ASTN1: variants seen among roughly 807,000 people sequenced by gnomAD.
The protein encoded by ASTN1 is astrotactin 1.
ASTN1 carries 41 observed loss-of-function variants against 140.7 expected under a neutral mutation model. The observed-to-expected ratio is 0.29, with a 90% CI of 0.23 to 0.38. The LOEUF is 0.38. ASTN1 is among the 10% of genes least tolerant of loss of function. The pLI is 1.00. For synonymous variants in ASTN1, 640 were observed against 652.2 expected, an observed-to-expected ratio of 0.98 and a Z score of 0.29; for missense variants, 1,479 against 1,678.8, an observed-to-expected ratio of 0.88 and a Z score of 2.08.
At position 176,863,131 on chromosome 1, in the gene ASTN1, T is replaced by G. The variant is rs1420508075; in HGVS notation, c.*1153A>C. 2 of 985,764 alleles carry G rather than the reference T, an allele frequency of 2.0e-6. No individual in the cohort carries two copies. Among genetic ancestry groups the G allele is most frequent in the Non-Finnish European group, 2.4e-6 (2 of 829,936 alleles). 61.1% of individuals were successfully genotyped at this position (985,764 alleles called of 1,614,324 possible). Reference sequence around the variant, plus strand: ...GATGTTAACTGCAATCAGTGGTGCTTCCCTACACAGAATCCCTGTGACTGG... The same window carrying G: ...GATGTTAACTGCAATCAGTGGTGCTGCCCTACACAGAATCCCTGTGACTGG... On this transcript the variant is annotated 3_prime_UTR_variant, in exon 23 of 23. Transcript: ENST00000361833.
rs1465380177 is a variant in ASTN1 at position 177,164,443 on chromosome 1, C to T, written c.234G>A (p.Met78Ile). Reference sequence around the variant, plus strand: ...TGTTCTCCAGGTCGTCCACCACGACCATTTCTCCCGGGAAGTCGTTGCGCA... The same window carrying T: ...TGTTCTCCAGGTCGTCCACCACGACTATTTCTCCCGGGAAGTCGTTGCGCA... Reference protein sequence around the residue: ...FSVRNDFPGEMVVVDDLENTE... With the variant: ...FSVRNDFPGEIVVVDDLENTE... The change falls in exon 1 of 23, where the codon ATG (methionine) becomes ATA (isoleucine). Residue 78 changes from methionine to isoleucine, a missense_variant. Met to Ile is a conservative substitution (Grantham distance 10). Around this residue, in one of 3 missense-constraint regions of ASTN1, gnomAD observed 729 missense variants for 860.4 expected, o/e 0.85. Coordinates refer to ENST00000361833, the MANE Select transcript of ASTN1 (RefSeq NM_004319.3). 1.2e-6 allele frequency: 2 copies of T among 1,613,536 alleles called. No individual in the cohort carries two copies. The highest frequency in any genetic ancestry group is 2.2e-5 in the East Asian group (1 of 44,818).
In ASTN1 at chr1:176,863,859, TAAC is replaced by T. The variant is rs1668044213; in HGVS notation, c.*422_*424del. 1.0e-5 allele frequency: 10 copies of T among 1,001,546 alleles called. No homozygotes were observed. The highest frequency in any genetic ancestry group is 1.7e-5 in the African/African-American group (1 of 57,522). 62.0% of individuals were successfully genotyped at this position (1,001,546 alleles called of 1,614,324 possible). A position where few individuals can be genotyped will look rare whatever the true frequency, so the allele number is the denominator to read the frequency against. On this transcript the variant is annotated 3_prime_UTR_variant, in exon 23 of 23. Transcript: ENST00000361833. ...TTGAGGGTGGGGCCTGCGGCAGGCC[TAAC>T]AACTTTCTGGCCTCACCTCTGCTCC...
chr1:176,922,187 T>C (rs1220986413), intron 16 of ASTN1, among the ~76,000 whole-genome samples: 1 of 152,134 alleles, frequency 6.6e-6, no homozygotes, highest in Admixed American at 6.5e-5. Context: ...AAACTACTAA[T>C]GTTATCTCTC....
intron 2 of ASTN1, among the ~76,000 whole-genome samples, chr1:177,035,761 G>T (rs1457308530): frequency 6.6e-6 from 1 of 152,182 alleles, no homozygotes; most frequent in South Asian, 2.1e-4. Context: ...GAACTAGACA[G>T]TGCAGAACTG....
intron 2 of ASTN1, 80 bp from the exon 3 acceptor site, chr1:177,032,929 A>G (rs1571683401): frequency 7.1e-7 from 1 of 1,406,492 alleles, no homozygotes; most frequent in South Asian, 1.4e-5. Flanking sequence ...TTCTGCTACC[A>G]CCATTCATCA....
At position 177,149,597 on chromosome 1, in the gene ASTN1, C is replaced by G. The variant is rs181776255; in HGVS notation, c.283+14797G>C. On this transcript the variant is annotated intron_variant, in intron 1 of 22. Coordinates refer to ENST00000361833, the MANE Select transcript of ASTN1 (RefSeq NM_004319.3). ...TATATATATAGTAAATATATATACA[C>G]TGTATATATATAGTAAATATATATA... Among the ~76,000 whole-genome samples, 326 of 61,494 alleles carry G rather than the reference C, an allele frequency of 5.3e-3. 42 individuals are homozygous for G. The highest frequency in any genetic ancestry group is 0.048 in the African/African-American group (227 of 4,750). 40.3% of individuals were successfully genotyped at this position (61,494 alleles called of 152,430 possible). A position where few individuals can be genotyped will look rare whatever the true frequency, so the allele number is the denominator to read the frequency against.
chr1:177,120,219 C>T (rs1045134787), intron 1 of ASTN1, among the ~76,000 whole-genome samples: 27 of 152,194 alleles, frequency 1.8e-4, no homozygotes, highest in African/African-American at 1.4e-4. Flanking sequence ...AGTATTCAAA[C>T]GCTGAGCTGC....
intron 20 of ASTN1, 83 bp from the exon 21 acceptor site, chr1:176,876,720 T>C (rs1668581858): frequency 2.2e-6 from 3 of 1,345,924 alleles, no homozygotes; most frequent in Non-Finnish European, 2.1e-6. Context: ...ATGGCCCAGC[T>C]CTGCCTGAAT....
intron 5 of ASTN1, among the ~76,000 whole-genome samples, chr1:177,026,473 C>A (rs994839002): frequency 6.6e-6 from 1 of 152,182 alleles, no homozygotes; most frequent in East Asian, 1.9e-4. Context: ...GCCACACCCC[C>A]ACCCTGCCCT....
chr1:177,029,311 CTTTG>C (rs993228882), intron 5 of ASTN1: 13 of 538,408 alleles, frequency 2.4e-5, no homozygotes, highest in African/African-American at 1.3e-4. Context: ...ACTTTATTAA[CTTTG>C]TTTGTCTGAA....
rs1676440865 is a variant in ASTN1, at chr1:177,031,450, G to A, written c.866-498C>T. Among the ~76,000 whole-genome samples, 4 of 152,168 alleles carry A rather than the reference G, an allele frequency of 2.6e-5. No homozygotes were observed. The South Asian group carries it at 8.3e-4, about 32-fold the overall frequency. ...GGCATTTGAGTTGATAATAACCCCT[G>A]AGTACCATATGTCTACTTTGTGGGC... On this transcript the variant is annotated intron_variant, in intron 3 of 22. Coordinates refer to ENST00000361833, the MANE Select transcript of ASTN1 (RefSeq NM_004319.3).
Position 176,861,293 on chromosome 1 carries a change from T to A in ASTN1, c.*2991A>T. On this transcript the variant is annotated 3_prime_UTR_variant, in exon 23 of 23. Transcript: ENST00000361833. ...AAAATAATGAACGGACCAAACTCCA[T>A]GGAAAACGATTGCACACTCAATTAA... The A allele has an allele frequency of 1.0e-6, 1 of 985,794 alleles. No individual in the cohort carries two copies. Among genetic ancestry groups the A allele is most frequent in the Non-Finnish European group, 1.2e-6 (1 of 829,864 alleles). The allele number at this position is 985,794 out of a possible 1,614,324, so 61.1% of individuals were successfully genotyped here.
rs564932509 is a variant in ASTN1 at position 176,921,995 on chromosome 1, C to T, written c.2671+12157G>A. On this transcript the variant is annotated intron_variant, in intron 16 of 22. Coordinates refer to ENST00000361833, the MANE Select transcript of ASTN1 (RefSeq NM_004319.3). ...AACTGACTGCTTGCTAGATGCTGTA[C>T]ATGGTAAAATGCATTGCAGAAGATG... is the stretch of plus-strand genomic sequence containing the variant. 7.2e-5 allele frequency among the ~76,000 whole-genome samples: 11 copies of T among 152,246 alleles called. No individual in the cohort carries two copies. In the South Asian group the frequency reaches 2.3e-3, roughly 32 times the overall value.
chr1:176,941,936 G>A (rs1440737250), intron 14 of ASTN1, among the ~76,000 whole-genome samples: 2 of 152,192 alleles, frequency 1.3e-5, no homozygotes, highest in Admixed American at 6.5e-5. Context: ...AGGCTTTAGG[G>A]ATATGTCCGG....
At chr1:177,073,080 C>T (rs4556318) in intron 1 of ASTN1, among the ~76,000 whole-genome samples, 5 of 152,118 alleles carry the variant, frequency 3.3e-5, no homozygotes, top group African/African-American at 1.2e-4. Context: ...GATGATTCAC[C>T]TTAAATCAGG....
chr1:176,895,643 G>C (rs1293435638), intron 16 of ASTN1, among the ~76,000 whole-genome samples: 2 of 152,198 alleles, frequency 1.3e-5, no homozygotes, highest in African/African-American at 4.8e-5. Flanking sequence ...TTTGTTTGTT[G>C]AGTAAAGGAT....
chr1:176,978,408 A>C (rs953341198), intron 8 of ASTN1, among the ~76,000 whole-genome samples: 1 of 152,190 alleles, frequency 6.6e-6, no homozygotes, highest in Non-Finnish European at 1.5e-5. Context: ...TTTTGCAATC[A>C]AGGTAAAATG....
intron 8 of ASTN1, among the ~76,000 whole-genome samples, chr1:176,968,503 A>C (rs1461877878): frequency 1.3e-5 from 2 of 152,194 alleles, no homozygotes; most frequent in South Asian, 4.1e-4. Context: ...CCCAGTGGTC[A>C]CTTCACTGGG....
intron 9 of ASTN1, among the ~76,000 whole-genome samples, chr1:176,961,854 G>T (rs1672679079): frequency 6.6e-6 from 1 of 152,092 alleles, no homozygotes; most frequent in Non-Finnish European, 1.5e-5. Context: ...TCCCAACTCG[G>T]GCCTTCTCTG....
Sources: allele counts gnomAD v4.1 joint callset (sites outside exome capture counted in the v4.1 genomes callset), GRCh38; gene constraint gnomAD v4.1.1; regional missense constraint gnomAD v4.1.1; transcripts MANE v1.5; gene names NCBI Gene and HGNC (gene_info 2026-07-23, HGNC 2026-07-21).